The following NRXN1 variants were observed in gnomAD, a reference collection of about 807,000 sequenced individuals.
The protein encoded by NRXN1 is neurexin 1.
In NRXN1, 39 loss-of-function variants were observed where a neutral mutation model predicts 150.9. The observed-to-expected ratio is 0.26, with a 90% CI of 0.20 to 0.34. The LOEUF is 0.34. NRXN1 is among the 10% of genes least tolerant of loss of function. The pLI is 1.00. For synonymous variants in NRXN1, 924 were observed against 757.0 expected (o/e 1.22, Z -3.62); for missense variants, 1,815 against 1,949.9 (o/e 0.93, Z 1.30).
chr2:50,295,229 T>A (rs1213581202), intron 17 of NRXN1, among the ~76,000 whole-genome samples: 3 of 152,210 alleles, frequency 2.0e-5, no homozygotes, highest in African/African-American at 7.2e-5. Context: ...AAACTTTGGG[T>A]CAGCACTACA....
intron 5 of NRXN1, among the ~76,000 whole-genome samples, chr2:50,748,200 C>CA (rs1436885596): frequency 6.6e-6 from 1 of 152,150 alleles, no homozygotes; most frequent in Non-Finnish European, 1.5e-5. Context: ...TCTCTGACTG[C>CA]AAAGGCTGTA....
intron 5 of NRXN1, among the ~76,000 whole-genome samples, chr2:50,701,239 G>GTCTCTTA (rs1270844273): frequency 1.8e-4 from 27 of 151,932 alleles, no homozygotes; most frequent in African/African-American, 6.5e-4. Context: ...CATCATCTCT[G>GTCTCTTA]TCTCTTATCT....
rs1279378614 is a variant in NRXN1, at chr2:50,789,199, C to T, written c.832+132670G>A. 1.3e-5 allele frequency among the ~76,000 whole-genome samples: 2 copies of T among 152,190 alleles called. 1 individual carries two copies. The highest frequency in any genetic ancestry group is 3.9e-4 in the East Asian group (2 of 5,182). On this transcript the variant is annotated intron_variant, in intron 5 of 22. Coordinates refer to ENST00000401669, the MANE Select transcript of NRXN1 (RefSeq NM_001330078.2). ...AGACAGCTACATCTTTATATACCTACTGCTTGGACCCAAAACCTGATTCAT... is the reference window on the plus strand; with the variant it reads ...AGACAGCTACATCTTTATATACCTATTGCTTGGACCCAAAACCTGATTCAT...
intron 5 of NRXN1, among the ~76,000 whole-genome samples, chr2:50,851,959 A>G (rs1674581536): frequency 6.6e-6 from 1 of 152,230 alleles, no homozygotes; most frequent in Non-Finnish European, 1.5e-5. Context: ...ATAGGCAGTA[A>G]CAATAGAAAA....
At chr2:50,919,981 C>T in intron 5 of NRXN1, 1 of 387,866 alleles carries the variant, frequency 2.6e-6, no homozygotes, top group Non-Finnish European at 5.6e-6. Context: ...TATTTCTGCT[C>T]TAGAATATAG....
At chr2:50,950,211 T>G (rs1044542966) in intron 2 of NRXN1, among the ~76,000 whole-genome samples, 1 of 152,168 alleles carries the variant, frequency 6.6e-6, no homozygotes, top group Non-Finnish European at 1.5e-5. Flanking sequence ...TTAAAACATG[T>G]GTCAAGGTAT....
intron 21 of NRXN1, among the ~76,000 whole-genome samples, chr2:50,032,490 A>C (rs1689323504): frequency 1.3e-5 from 2 of 152,102 alleles, no homozygotes; most frequent in Admixed American, 1.3e-4. Context: ...ATATGGTTAG[A>C]TCATTGAGGT....
intron 5 of NRXN1, among the ~76,000 whole-genome samples, chr2:50,788,047 T>C (rs1407431852): frequency 6.6e-6 from 1 of 151,982 alleles, no homozygotes; most frequent in Non-Finnish European, 1.5e-5. Context: ...AAATACGGCT[T>C]TACAATTCCA....
At chr2:50,108,861 T>C (rs1175650322) in intron 18 of NRXN1, among the ~76,000 whole-genome samples, 3 of 152,068 alleles carry the variant, frequency 2.0e-5, no homozygotes, top group Non-Finnish European at 2.9e-5. Flanking sequence ...GTTTAAATTA[T>C]TGATAGAGAA....
intron 1 of NRXN1, among the ~76,000 whole-genome samples, chr2:51,030,569 C>T (rs913715060): frequency 7.9e-6 from 1 of 126,858 alleles, no homozygotes; most frequent in Non-Finnish European, 1.7e-5. Flanking sequence ...CACACACACA[C>T]ACAGTGTGGG....
intron 21 of NRXN1, among the ~76,000 whole-genome samples, chr2:50,007,932 CTCCCAA>C (rs1685037687): frequency 6.6e-6 from 1 of 152,140 alleles, no homozygotes; most frequent in African/African-American, 2.4e-5. Flanking sequence ...GTTATTCTAA[CTCCCAA>C]TGCTGTCTAC....
chr2:50,506,587 T>G lies in NRXN1; in HGVS notation c.2405A>C (p.Tyr802Ser). 1 of 1,613,424 alleles carries G rather than the reference T, an allele frequency of 6.2e-7. No homozygotes were observed. The highest frequency in any genetic ancestry group is 8.5e-7 in the Non-Finnish European group (1 of 1,179,552). ...SKGPETLFAGYNLNDNEWHTV... is the reference protein window; with the variant it reads ...SKGPETLFAGSNLNDNEWHTV... ...GTGCCACTCGTTATCATTGAGGTTA[T>G]AGCCAGCAAAAAGAGTCTCGGGACC... is the stretch of plus-strand genomic sequence containing the variant. Residue 802 changes from tyrosine to serine, a missense_variant, in exon 13 of 23, where the codon TAT (tyrosine) becomes TCT (serine). Transcript: ENST00000401669.
At chr2:50,827,228 T>A (rs1670579308) in intron 5 of NRXN1, among the ~76,000 whole-genome samples, 1 of 152,198 alleles carries the variant, frequency 6.6e-6, no homozygotes, top group East Asian at 1.9e-4. Flanking sequence ...TTAAAATACA[T>A]CAATATTTCT....
chr2:50,921,853 T>C lies in NRXN1; in HGVS notation c.832+16A>G, dbSNP rs199940725. The C allele has an allele frequency of 4.7e-6, 6 of 1,285,018 alleles. No homozygotes were observed. In the African/African-American group the frequency reaches 9.3e-5, roughly 20 times the overall value. The allele number at this position is 1,285,018 out of a possible 1,614,324, so 79.6% of individuals were successfully genotyped here. A position where few individuals can be genotyped will look rare whatever the true frequency, so the allele number is the denominator to read the frequency against. Reference sequence around the variant, plus strand: ...TCATACAGATGATATTAAGAAGAAATAAAATAATGTAATACCTTTACTTTT... The same window carrying C: ...TCATACAGATGATATTAAGAAGAAACAAAATAATGTAATACCTTTACTTTT... On this transcript the variant is annotated intron_variant, in intron 5 of 22. Coordinates refer to ENST00000401669, the MANE Select transcript of NRXN1 (RefSeq NM_001330078.2).
chr2:50,832,117 T>G (rs1671492503), intron 5 of NRXN1, among the ~76,000 whole-genome samples: 1 of 152,130 alleles, frequency 6.6e-6, no homozygotes, highest in Non-Finnish European at 1.5e-5. Context: ...AGAAAATCAA[T>G]GCCAGCAGAC....
intron 18 of NRXN1, among the ~76,000 whole-genome samples, chr2:50,092,900 T>C (rs1699773982): frequency 6.6e-6 from 1 of 152,142 alleles, no homozygotes; most frequent in Non-Finnish European, 1.5e-5. Context: ...TGACGGATGG[T>C]TTAACTTTTT....
At chr2:50,358,113 C>T (rs1373313462) in intron 17 of NRXN1, among the ~76,000 whole-genome samples, 1 of 152,130 alleles carries the variant, frequency 6.6e-6, no homozygotes, top group Non-Finnish European at 1.5e-5. Context: ...CTGGTGCCTA[C>T]ACCACAAGGG....
At position 49,969,423 on chromosome 2, in the gene NRXN1, T is replaced by C. The variant is rs534465242; in HGVS notation, c.4129-25632A>G. Among the ~76,000 whole-genome samples, 7 of 152,186 alleles carry C rather than the reference T, an allele frequency of 4.6e-5. No individual in the cohort carries two copies. In the East Asian group the frequency reaches 1.2e-3, roughly 25 times the overall value. ...GAATTGACTCCCAAGGCTGTACATA[T>C]GCAACTTCTAAATAAAGTGCTTTAA... is the stretch of plus-strand genomic sequence containing the variant. On this transcript the variant is annotated intron_variant, in intron 21 of 22. Coordinates refer to ENST00000401669, the MANE Select transcript of NRXN1 (RefSeq NM_001330078.2).
At chr2:49,928,772 G>A (rs368694385) in intron 22 of NRXN1, among the ~76,000 whole-genome samples, 8 of 152,272 alleles carry the variant, frequency 5.3e-5, no homozygotes, top group African/African-American at 1.9e-4. Context: ...TGATTTATAT[G>A]ACATGCATTA....
Sources: gnomAD v4.1 joint callset for allele counts (sites outside exome capture counted in the v4.1 genomes callset) on GRCh38, gnomAD v4.1.1 for gene constraint, MANE v1.5 for transcripts, NCBI Gene and HGNC (gene_info 2026-07-23, HGNC 2026-07-21) for gene names.